The following SULF1 variants were observed in gnomAD, a reference collection of about 807,000 sequenced individuals.
The protein encoded by SULF1 is extracellular sulfatase Sulf-1.
SULF1 carries 46 observed loss-of-function variants against 110.5 expected under a neutral mutation model. The observed-to-expected ratio is 0.42, with a 90% CI of 0.33 to 0.53. The LOEUF (loss-of-function observed/expected upper bound fraction) is 0.53. Among genes scored for constraint, SULF1 ranks in the 20% least tolerant of loss-of-function variants. The probability of loss-of-function intolerance (pLI) is 0.12; values close to 1 mark genes in which losing one functional copy is unlikely to be tolerated. For missense variants in SULF1, 941 were observed against 1,094.2 expected (o/e 0.86, Z 1.98); for synonymous variants, 371 against 387.1 (o/e 0.96, Z 0.49).
chr8:69,574,393 A>G (rs939471900), intron 5 of SULF1, among the ~76,000 whole-genome samples: 2 of 152,038 alleles, frequency 1.3e-5, no homozygotes, highest in Admixed American at 6.6e-5. Context: ...CAATCCCCCA[A>G]TGATATACTT....
chr8:69,556,212 T>A (rs1815107847), intron 3 of SULF1, among the ~76,000 whole-genome samples: 1 of 152,188 alleles, frequency 6.6e-6, no homozygotes, highest in Non-Finnish European at 1.5e-5. Context: ...TGAAATGTAA[T>A]GTTTGTGGCA....
intron 3 of SULF1, among the ~76,000 whole-genome samples, chr8:69,554,769 G>A (rs138927220): frequency 6.6e-6 from 1 of 151,918 alleles, no homozygotes; most frequent in African/African-American, 2.4e-5. Context: ...CATGAGGTCA[G>A]TAGATCGAGA....
intron 14 of SULF1, 81 bp from the exon 15 acceptor site, chr8:69,623,855 AGGATCC>A: frequency 6.7e-7 from 1 of 1,485,402 alleles, no homozygotes; most frequent in East Asian, 2.3e-5. Flanking sequence ...TCTCCACTCC[AGGATCC>A]CTTCTGGACC....
At chr8:69,473,869 T>C (rs1809194164) in intron 1 of SULF1, among the ~76,000 whole-genome samples, 1 of 152,218 alleles carries the variant, frequency 6.6e-6, no homozygotes, top group East Asian at 1.9e-4. Flanking sequence ...TATTTTGTCC[T>C]ATGATCTTTC....
intron 22 of SULF1, among the ~76,000 whole-genome samples, chr8:69,657,867 T>C (rs1418123800): frequency 6.6e-6 from 1 of 152,228 alleles, no homozygotes; most frequent in Non-Finnish European, 1.5e-5. Context: ...TGGTGCCTTC[T>C]TTGCATATGA....
In SULF1 at chr8:69,586,337, A is replaced by T. The variant is rs1461684997; in HGVS notation, c.413-20A>T. ...TTAATCATTTTACGTGAAAAAAATA[A>T]TTCTTTTTTCCCACTGCAGCCTTTT... On this transcript the variant is annotated intron_variant, in intron 6 of 22. Transcript: ENST00000402687. The T allele has an allele frequency of 6.5e-7, 1 of 1,545,350 alleles. No homozygotes were observed. Among genetic ancestry groups the T allele is most frequent in the Non-Finnish European group, 8.7e-7 (1 of 1,151,828 alleles).
chr8:69,604,848 G>A lies in SULF1; in HGVS notation c.1293G>A (p.Gln431=), dbSNP rs1337311461. Residue 431 remains glutamine, a synonymous_variant, in exon 13 of 23, where the codon CAG becomes CAA. Transcript: ENST00000402687. The part of the protein sequence containing the change: ...KKEESSKNIQ[Q]SNHLPKYERV... Reference sequence around the variant, plus strand: ...AAGAATCCAGCAAGAATATCCAACAGTCAAATCACTTGCCCAAATATGAAC... The same window carrying A: ...AAGAATCCAGCAAGAATATCCAACAATCAAATCACTTGCCCAAATATGAAC... 8.1e-6 allele frequency: 13 copies of A among 1,614,024 alleles called. No homozygotes were observed. The highest frequency in any genetic ancestry group is 1.7e-5 in the Admixed American group (1 of 59,998).
At chr8:69,640,073 AAGAG>A (rs938391692) in intron 21 of SULF1, among the ~76,000 whole-genome samples, 49 of 151,234 alleles carry the variant, frequency 3.2e-4, no homozygotes, top group South Asian at 8.4e-4. Flanking sequence ...TTACAAAAAA[AAGAG>A]AGAGAGAGAG....
At chr8:69,655,976 T>G (rs7820942) in intron 22 of SULF1, among the ~76,000 whole-genome samples, 93,922 of 152,136 alleles carry the variant, frequency 0.62, 30,505 homozygotes, top group African/African-American at 0.83. Context: ...CATTTCCCCA[T>G]TGATTTCTTG....
intron 22 of SULF1, among the ~76,000 whole-genome samples, chr8:69,651,259 G>C (rs1812326625): frequency 6.6e-6 from 1 of 151,896 alleles, no homozygotes; most frequent in Non-Finnish European, 1.5e-5. Flanking sequence ...CACCATGTTG[G>C]CCAGGCTGGT....
At chr8:69,642,341 A>G in intron 22 of SULF1, 1 of 987,292 alleles carries the variant, frequency 1.0e-6, no homozygotes, top group Non-Finnish European at 1.2e-6. Flanking sequence ...ACAACAGGAA[A>G]GGTGATGGGA....
At chr8:69,557,815 A>G (rs1586395919) in intron 3 of SULF1, among the ~76,000 whole-genome samples, 1 of 152,284 alleles carries the variant, frequency 6.6e-6, no homozygotes, top group African/African-American at 2.4e-5. Flanking sequence ...AGGAGAGGAG[A>G]AAGGAAGATC....
chr8:69,625,645 G>A (rs147640208), intron 15 of SULF1, among the ~76,000 whole-genome samples: 3,358 of 152,316 alleles, frequency 0.022, 147 homozygotes, highest in African/African-American at 0.077. Context: ...TGGGCTCGTG[G>A]TCTCGCTGGG....
chr8:69,469,949 G>C (rs112356876), intron 1 of SULF1, among the ~76,000 whole-genome samples: 5 of 152,178 alleles, frequency 3.3e-5, no homozygotes, highest in African/African-American at 1.2e-4. Flanking sequence ...GTCTGAGGCA[G>C]GAGAATTGCT....
intron 13 of SULF1, among the ~76,000 whole-genome samples, chr8:69,608,838 A>G (rs1338044714): frequency 6.6e-6 from 1 of 152,212 alleles, no homozygotes; most frequent in Non-Finnish European, 1.5e-5. Context: ...TCCTGAATTA[A>G]TATGAGATGG....
At chr8:69,564,396 T>A (rs1351246389) in intron 5 of SULF1, among the ~76,000 whole-genome samples, 1 of 152,044 alleles carries the variant, frequency 6.6e-6, no homozygotes, top group Non-Finnish European at 1.5e-5. Flanking sequence ...AGAAAGAGGG[T>A]CAGCACTGAA....
chr8:69,520,955 C>G (rs1346973200), intron 3 of SULF1, among the ~76,000 whole-genome samples: 2 of 152,160 alleles, frequency 1.3e-5, no homozygotes, highest in Non-Finnish European at 2.9e-5. Flanking sequence ...CCAGAGTATA[C>G]ATAGTAGTTA....
chr8:69,622,967 C>G (rs1042462124), intron 14 of SULF1, among the ~76,000 whole-genome samples: 7 of 152,116 alleles, frequency 4.6e-5, no homozygotes, highest in Non-Finnish European at 1.0e-4. Context: ...AGCCAGTATG[C>G]CCCACTTCTT....
At chr8:69,621,298 G>T in intron 14 of SULF1, 47 bp downstream of exon 14, 1 of 1,443,878 alleles carries the variant, frequency 6.9e-7, no homozygotes. Flanking sequence ...TAGGCCTGTG[G>T]GAATAAACAA....
Sources: allele counts gnomAD v4.1 joint callset (sites outside exome capture counted in the v4.1 genomes callset), GRCh38; gene constraint gnomAD v4.1.1; transcripts MANE v1.5; gene names NCBI Gene and HGNC (gene_info 2026-07-23, HGNC 2026-07-21).